MYH14: variants seen among roughly 807,000 people sequenced by gnomAD.
The protein encoded by MYH14 is myosin heavy chain 14.
MYH14 carries 123 observed loss-of-function variants against 255.5 expected under a neutral mutation model. The observed-to-expected ratio is 0.48, with a 90% CI of 0.42 to 0.56. The LOEUF is 0.56. Among genes scored for constraint, MYH14 ranks in the 20% least tolerant of loss-of-function variants. The pLI, the probability that MYH14 is intolerant of heterozygous loss-of-function variation, is 0.00. For missense variants in MYH14, 2,423 were observed against 2,802.3 expected, an observed-to-expected ratio of 0.86 and a Z score of 3.06; for synonymous variants, 1,095 against 1,161.2, an observed-to-expected ratio of 0.94 and a Z score of 1.16.
chr19:50,246,076 G>T, intron 11 of MYH14, among the ~76,000 whole-genome samples: 1 of 124,480 alleles, frequency 8.0e-6, no homozygotes, highest in Non-Finnish European at 1.7e-5. Flanking sequence ...GAACTCTACT[G>T]GGATTCCCCC....
chr19:50,302,652 G>A (rs1385005310), intron 40 of MYH14, among the ~76,000 whole-genome samples: 1 of 152,054 alleles, frequency 6.6e-6, no homozygotes, highest in Admixed American at 6.6e-5. Flanking sequence ...TGTAATCCCA[G>A]CACTTTGGGA....
rs753019814 is a variant in MYH14 at position 50,244,288 on chromosome 19, C to T, written c.1161C>T (p.Ala387=). 6.2e-7 allele frequency: 1 copy of T among 1,613,872 alleles called. No individual in the cohort carries two copies. Among genetic ancestry groups the T allele is most frequent in the Non-Finnish European group, 8.5e-7 (1 of 1,179,884 alleles). The stretch of plus-strand genomic sequence containing the variant: ...CAGTTCTCCAGTTTGGCAACATTGC[C>T]TTGAAGAGAGAACGGAACACCGATC... ...VSAVLQFGNI[A]LKRERNTDQA... Residue 387 remains alanine, a synonymous_variant, in exon 11 of 43, where the codon GCC becomes GCT. Transcript: ENST00000642316.
rs1568556823 is a variant in MYH14 at position 50,301,708 on chromosome 19, C to A, written c.5517C>A (p.Ala1839=). The change falls in exon 40 of 43, where the codon GCC becomes GCA. Residue 1839 remains alanine (A), a synonymous_variant. Transcript: ENST00000642316. ...TELSAERSFS[A]KAESGRQQLE... ...TGTCAGCTGAGCGCAGTTTCTCAGC[C>A]AAGGCAGAGAGCGGGCGGCAGCAGC... 2.5e-6 allele frequency: 4 copies of A among 1,613,814 alleles called. No homozygotes were observed. Among genetic ancestry groups the A allele is most frequent in the Non-Finnish European group, 2.5e-6 (3 of 1,179,800 alleles).
rs565438602 is a variant in MYH14, at chr19:50,302,794, C to T, written c.5678+925C>T. Among the ~76,000 whole-genome samples, 266 of 148,558 alleles carry T rather than the reference C, an allele frequency of 1.8e-3. 2 individuals carry two copies. The highest frequency in any genetic ancestry group is 3.1e-3 in the Non-Finnish European group (209 of 67,038). On this transcript the variant is annotated intron_variant, in intron 40 of 42. Coordinates refer to ENST00000642316, the MANE Select transcript of MYH14 (RefSeq NM_001145809.2). The stretch of plus-strand genomic sequence containing the variant: ...GCACGTGCCTGTAATCCCAGCTACT[C>T]GGGAGGCTGAGGCAGGAGAATCGCT...
chr19:50,255,188 C>T (rs1005345032), intron 16 of MYH14, 32 bp from the exon 17 acceptor site: 11 of 1,419,078 alleles, frequency 7.8e-6, no homozygotes, highest in African/African-American at 1.4e-5. Flanking sequence ...ATCTCCCCTC[C>T]ACCCACCCAC....
chr19:50,246,801 G>T (rs1450266792), intron 11 of MYH14, among the ~76,000 whole-genome samples: 1 of 152,178 alleles, frequency 6.6e-6, no homozygotes, highest in Non-Finnish European at 1.5e-5. Flanking sequence ...CACATGCAGG[G>T]TTATTTTGCC....
At chr19:50,240,874 A>T (rs1827256793) in intron 10 of MYH14, among the ~76,000 whole-genome samples, 1 of 152,236 alleles carries the variant, frequency 6.6e-6, no homozygotes, top group South Asian at 2.1e-4. Flanking sequence ...CAGCTCTGCC[A>T]GCCTATGTGA....
Position 50,289,740 on chromosome 19 carries a change from C to T in MYH14, c.4965+92C>T, listed in dbSNP as rs540511844. 123 of 1,179,032 alleles carry T rather than the reference C, an allele frequency of 1.0e-4. No individual in the cohort carries two copies. In the African/African-American group the frequency reaches 1.6e-3, roughly 15 times the overall value. The allele number at this position is 1,179,032 out of a possible 1,614,324, so 73.0% of individuals were successfully genotyped here. ...CAAGAAGGGCAGCAAGGGGTCTCCCCGACCCACCCACCACTCTGTCTCCTC... is the reference window on the plus strand; with the variant it reads ...CAAGAAGGGCAGCAAGGGGTCTCCCTGACCCACCCACCACTCTGTCTCCTC... On this transcript the variant is annotated intron_variant, in intron 35 of 42. Coordinates refer to ENST00000642316, the MANE Select transcript of MYH14 (RefSeq NM_001145809.2).
At chr19:50,274,732 C>G (rs1157929276) in intron 27 of MYH14, among the ~76,000 whole-genome samples, 1 of 152,088 alleles carries the variant, frequency 6.6e-6, no homozygotes, top group Non-Finnish European at 1.5e-5. Flanking sequence ...AATTCAAGAC[C>G]AGCCTGGGCA....
chr19:50,231,739 A>AGAG (rs2033399687), intron 9 of MYH14, among the ~76,000 whole-genome samples, 191 bp from the exon 10 acceptor site: 1 of 135,476 alleles, frequency 7.4e-6, no homozygotes, highest in Non-Finnish European at 1.6e-5. Context: ...AAAAATAGAG[A>AGAG]CAGAGTGGTG....
chr19:50,204,749 G>A (rs1322480937), intron 1 of MYH14, among the ~76,000 whole-genome samples: 1 of 152,194 alleles, frequency 6.6e-6, no homozygotes, highest in Non-Finnish European at 1.5e-5. Context: ...AAAAGAGTTA[G>A]CCGGGCGTGG....
At chr19:50,277,213 A>G (rs1434511197) in intron 29 of MYH14, among the ~76,000 whole-genome samples, 1 of 152,158 alleles carries the variant, frequency 6.6e-6, no homozygotes, top group Non-Finnish European at 1.5e-5. Context: ...GATAAGTGCT[A>G]TGGGGCCATA....
chr19:50,207,257 A>AAGAGAGAGAGACAG (rs2031827672), intron 1 of MYH14, among the ~76,000 whole-genome samples: 2 of 26,976 alleles, frequency 7.4e-5, no homozygotes, highest in African/African-American at 3.2e-4. Context: ...GAGAGAGAGA[A>AAGAGAGAGAGACAG]AGAGAGAGAG....
chr19:50,281,924 C>G, intron 33 of MYH14, 82 bp downstream of exon 33: 1 of 1,453,426 alleles, frequency 6.9e-7, no homozygotes, highest in Non-Finnish European at 9.4e-7. Context: ...ACCAGTAATC[C>G]GTGCTGTCAC....
chr19:50,292,194 G>A (rs2044823674), intron 36 of MYH14, 67 bp from the exon 37 acceptor site: 4 of 1,469,346 alleles, frequency 2.7e-6, no homozygotes, highest in South Asian at 2.9e-5. Flanking sequence ...GGTCTGGCAA[G>A]GGGGTGGAGG....
Position 50,230,600 on chromosome 19 carries a change from G to C in MYH14, c.950G>C (p.Gly317Ala), listed in dbSNP as rs757415923. Residue 317 changes from glycine (G) to alanine (A), a missense_variant, in exon 9 of 43, where the codon GGG (glycine) becomes GCG (alanine). Coordinates refer to ENST00000642316, the MANE Select transcript of MYH14 (RefSeq NM_001145809.2). The surrounding 1 kb of genome is among the most constrained non-coding windows in gnomAD (Gnocchi z 4.7). ...CSFHIFYQLL[G>A]GAGEQLKADL... ...TTCCACATCTTCTACCAGCTGCTGG[G>C]GGGCGCTGGAGAGCAGCTCAAAGGT... The C allele has an allele frequency of 1.7e-5, 27 of 1,566,360 alleles. No individual in the cohort carries two copies. In the Admixed American group the frequency reaches 4.9e-4, roughly 29 times the overall value.
intron 10 of MYH14, among the ~76,000 whole-genome samples, chr19:50,241,584 A>C (rs772438897): frequency 6.6e-6 from 1 of 152,180 alleles, no homozygotes; most frequent in Non-Finnish European, 1.5e-5. Context: ...AGCAAAGCAA[A>C]GAACAGCCTT....
At chr19:50,242,930 C>G (rs1010960517) in intron 10 of MYH14, among the ~76,000 whole-genome samples, 3 of 152,116 alleles carry the variant, frequency 2.0e-5, no homozygotes, top group African/African-American at 7.2e-5. Flanking sequence ...GGTGATTGCA[C>G]TGTCTCAAAT....
chr19:50,212,613 C>T (rs1250485034), intron 2 of MYH14, among the ~76,000 whole-genome samples: 1 of 152,170 alleles, frequency 6.6e-6, no homozygotes, highest in Non-Finnish European at 1.5e-5. Context: ...GGTCTCACAG[C>T]TTTGCTCCAA....
Sources: gnomAD v4.1 joint callset for allele counts (sites outside exome capture counted in the v4.1 genomes callset) on GRCh38, gnomAD v4.1.1 for gene constraint, Gnocchi (gnomAD v3.1) non-coding constraint, MANE v1.5 for transcripts, NCBI Gene and HGNC (gene_info 2026-07-23, HGNC 2026-07-21) for gene names.